Variants in SLC9B1 observed in about 807,000 individuals in gnomAD.
SLC9B1 encodes the protein sodium/hydrogen exchanger 9B1.
Under a neutral mutation model 51.7 loss-of-function variants are expected in SLC9B1, and 32 were observed. The ratio of observed to expected loss-of-function variants is 0.62; its 90% CI spans 0.47 to 0.83. The LOEUF (loss-of-function observed/expected upper bound fraction) is 0.83, where lower values mean the gene tolerates loss of function less well. SLC9B1 is among the 40% of genes least tolerant of loss of function. The pLI, the probability that SLC9B1 is intolerant of heterozygous loss-of-function variation, is 0.00. For synonymous variants in SLC9B1, 145 were observed against 212.7 expected, an observed-to-expected ratio of 0.68 and a Z score of 2.77; for missense variants, 406 against 613.2, an observed-to-expected ratio of 0.66 and a Z score of 3.57.
intron 3 of SLC9B1, among the ~76,000 whole-genome samples, chr4:102,981,475 T>C (rs1739354077): frequency 6.6e-6 from 1 of 152,182 alleles, no homozygotes; most frequent in African/African-American, 2.4e-5. Context: ...CCACCTGCAA[T>C]GAATGAAAGT....
intron 3 of SLC9B1, among the ~76,000 whole-genome samples, chr4:102,955,760 T>A (rs1277657465): frequency 1.3e-5 from 2 of 150,812 alleles, no homozygotes; most frequent in African/African-American, 4.9e-5. Flanking sequence ...TCTGCACATG[T>A]ATCCTGGAAC....
At chr4:102,992,902 C>T (rs1487002743) in intron 1 of SLC9B1, among the ~76,000 whole-genome samples, 1 of 152,138 alleles carries the variant, frequency 6.6e-6, no homozygotes, top group Admixed American at 6.5e-5. Flanking sequence ...GACCTCTTCA[C>T]AGGGTGGCAG....
chr4:102,979,479 C>A lies in SLC9B1; in HGVS notation c.211+10321G>T, dbSNP rs1739241590. 3.9e-5 allele frequency among the ~76,000 whole-genome samples: 6 copies of A among 152,268 alleles called. No individual in the cohort carries two copies. In the South Asian group the frequency reaches 8.3e-4, roughly 21 times the overall value. On this transcript the variant is annotated intron_variant, in intron 3 of 11. Transcript: ENST00000296422. ...TCTGCTCATGATAGTGTTTTTGAGGCAAGTCCTTCCTCATAGTTAACTGCG... is the reference window on the plus strand; with the variant it reads ...TCTGCTCATGATAGTGTTTTTGAGGAAAGTCCTTCCTCATAGTTAACTGCG...
chr4:102,937,948 T>C (rs1439437731), intron 6 of SLC9B1, among the ~76,000 whole-genome samples: 1 of 152,072 alleles, frequency 6.6e-6, no homozygotes, highest in Non-Finnish European at 1.5e-5. Flanking sequence ...AACATTGACA[T>C]TGTAAAGTAA....
chr4:102,940,498 A>G (rs541817002), intron 6 of SLC9B1, among the ~76,000 whole-genome samples: 1 of 152,296 alleles, frequency 6.6e-6, no homozygotes, highest in East Asian at 1.9e-4. Flanking sequence ...GGATTAAAAA[A>G]AGCATCCTAA....
rs188290598 is a variant in SLC9B1, at chr4:102,991,707, T to C, written c.5A>G (p.His2Arg). 1.9e-6 allele frequency: 3 copies of C among 1,576,822 alleles called. No individual in the cohort carries two copies. The highest frequency in any genetic ancestry group is 1.2e-5 in the South Asian group (1 of 86,316). Residue 2 changes from histidine to arginine, a missense_variant, in exon 2 of 12, where the codon CAT (histidine) becomes CGT (arginine). Around this residue, in one of 6 missense-constraint regions of SLC9B1, gnomAD observed 108 missense variants for 94.5 expected, o/e 1.14. Coordinates refer to ENST00000296422, the MANE Select transcript of SLC9B1 (RefSeq NM_139173.4). ...ATGTTCATTTTTTGATTCTGTGGTATGCATGCTAAGATTTAAAAGAAAAAT... is the reference window on the plus strand; with the variant it reads ...ATGTTCATTTTTTGATTCTGTGGTACGCATGCTAAGATTTAAAAGAAAAAT... MHTTESKNEHLE... is the reference protein window; with the variant it reads MRTTESKNEHLE...
In SLC9B1 at chr4:103,010,395, G is replaced by A. The variant is rs563775483; in HGVS notation, c.-2+9204C>T. Among the ~76,000 whole-genome samples, 110 of 152,298 alleles carry A rather than the reference G, an allele frequency of 7.2e-4. 1 individual carries two copies. The South Asian group carries it at 0.022, about 30-fold the overall frequency. On this transcript the variant is annotated intron_variant, in intron 1 of 11. Coordinates refer to ENST00000296422, the MANE Select transcript of SLC9B1 (RefSeq NM_139173.4). The stretch of plus-strand genomic sequence containing the variant: ...AATTAACCTCACCCATGTGGGCACA[G>A]CCCTCAAGGCCTAATAACCTCTTAA...
chr4:102,952,817 G>T, intron 3 of SLC9B1, among the ~76,000 whole-genome samples: 7 of 64,976 alleles, frequency 1.1e-4, no homozygotes, highest in South Asian at 5.8e-4. Flanking sequence ...TGATGGGGTT[G>T]TTTGTTTTTT....
intron 1 of SLC9B1, among the ~76,000 whole-genome samples, chr4:103,016,350 C>A (rs1741338786): frequency 6.6e-6 from 1 of 151,952 alleles, no homozygotes; most frequent in South Asian, 2.1e-4. Context: ...TCTTTAAGAA[C>A]CCTTCTTTGA....
intron 11 of SLC9B1, among the ~76,000 whole-genome samples, chr4:102,905,256 T>C (rs1734983681): frequency 6.6e-6 from 1 of 150,736 alleles, no homozygotes; most frequent in Non-Finnish European, 1.5e-5. Context: ...GGAGTCACTC[T>C]GTCGCCCAGA....
intron 3 of SLC9B1, among the ~76,000 whole-genome samples, chr4:102,957,764 A>ATGTGTGTATG (rs1737881413): frequency 6.6e-6 from 1 of 151,670 alleles, no homozygotes; most frequent in Non-Finnish European, 1.5e-5. Context: ...AAAAGATTGT[A>ATGTGTGTATG]TGTGTGTATG....
At chr4:102,926,654 TG>T (rs1736195185) in intron 7 of SLC9B1, among the ~76,000 whole-genome samples, 1 of 152,146 alleles carries the variant, frequency 6.6e-6, no homozygotes, top group Non-Finnish European at 1.5e-5. Flanking sequence ...ATCAATATCA[TG>T]GAAATGGCCA....
In SLC9B1 at chr4:102,958,004, T is replaced by C. The variant is rs192255617; in HGVS notation, c.212-8577A>G. On this transcript the variant is annotated intron_variant, in intron 3 of 11. Coordinates refer to ENST00000296422, the MANE Select transcript of SLC9B1 (RefSeq NM_139173.4). ...TGATTATTATAACCCCCAAAGGTAC[T>C]TGGGAGGCTGAGATAGAAGTATTGC... is the stretch of plus-strand genomic sequence containing the variant. Among the ~76,000 whole-genome samples, 4 of 152,290 alleles carry C rather than the reference T, an allele frequency of 2.6e-5. No homozygotes were observed. The East Asian group carries it at 7.7e-4, about 29-fold the overall frequency.
At chr4:102,969,717 T>C (rs1177939085) in intron 3 of SLC9B1, among the ~76,000 whole-genome samples, 3 of 152,100 alleles carry the variant, frequency 2.0e-5, no homozygotes, top group Admixed American at 6.5e-5. Flanking sequence ...TTCGAACCCA[T>C]TGCAAGGAAG....
At chr4:102,975,586 A>ATTTTTTTTTTTTTTTT (rs1197166005) in intron 3 of SLC9B1, among the ~76,000 whole-genome samples, 9 of 62,306 alleles carry the variant, frequency 1.4e-4, no homozygotes, top group African/African-American at 3.0e-4. Flanking sequence ...ATATATATAT[A>ATTTTTTTTTTTTTTTT]TTTTTTTTTT....
intron 4 of SLC9B1, 152 bp downstream of exon 4, chr4:102,949,105 C>A: frequency 3.4e-6 from 2 of 588,326 alleles, no homozygotes; most frequent in Non-Finnish European, 2.8e-6. Flanking sequence ...GAGCTGTACA[C>A]ACACACACAC....
In SLC9B1 at chr4:102,885,285, C is replaced by T; in HGVS notation, c.1376G>A (p.Trp459Ter). 1 of 1,614,076 alleles carries T rather than the reference C, an allele frequency of 6.2e-7. No individual in the cohort carries two copies. Among genetic ancestry groups the T allele is most frequent in the Non-Finnish European group, 8.5e-7 (1 of 1,179,974 alleles). The change falls in exon 12 of 12, where the codon TGG becomes TAG. Residue 459 changes from tryptophan (W) to a stop codon, truncating the protein, a stop_gained. Transcript: ENST00000394789. LOFTEE classifies it high-confidence loss of function. ...CTTCTTGGCTACCTTGCAGTTCGTC[C>T]ATTCCTCCCGAAGAAGAAACAACAG...
intron 3 of SLC9B1, 139 bp downstream of exon 3, chr4:102,989,661 G>T: frequency 2.1e-6 from 1 of 467,744 alleles, no homozygotes; most frequent in Non-Finnish European, 3.6e-6. Flanking sequence ...TTTCCTCTTT[G>T]TTCACATATT....
At chr4:102,942,394 A>AT (rs1458904446) in intron 6 of SLC9B1, among the ~76,000 whole-genome samples, 1 of 152,190 alleles carries the variant, frequency 6.6e-6, no homozygotes, top group East Asian at 1.9e-4. Context: ...AAAAGAACAA[A>AT]TGTGGATGCA....
Sources: allele counts gnomAD v4.1 joint callset (sites outside exome capture counted in the v4.1 genomes callset), GRCh38; gene constraint gnomAD v4.1.1; regional missense constraint gnomAD v4.1.1; transcripts MANE v1.5; gene names NCBI Gene and HGNC (gene_info 2026-07-23, HGNC 2026-07-21).